Variants in FKBP5 observed in about 807,000 individuals in gnomAD.
FKBP5 encodes the protein FKBP prolyl isomerase 5.
In FKBP5, 23 loss-of-function variants were observed where a neutral mutation model predicts 50.5. The observed-to-expected ratio is 0.46, with a 90% CI of 0.33 to 0.65. The LOEUF (loss-of-function observed/expected upper bound fraction) is 0.65, where lower values mean the gene tolerates loss of function less well. FKBP5 is among the 30% of genes least tolerant of loss of function. The probability of loss-of-function intolerance (pLI) is 0.02; values close to 1 mark genes in which losing one functional copy is unlikely to be tolerated. For missense variants in FKBP5, 411 were observed against 553.1 expected (o/e 0.74, Z 2.58); for synonymous variants, 176 against 190.6 (o/e 0.92, Z 0.63).
chr6:35,621,560 G>A (rs1169577873), intron 3 of FKBP5, among the ~76,000 whole-genome samples: 1 of 151,010 alleles, frequency 6.6e-6, no homozygotes, highest in African/African-American at 2.4e-5. Context: ...GGAGGTTGCA[G>A]TGAGTAGAGA....
chr6:35,714,747 A>T (rs543174800), intron 2 of FKBP5, among the ~76,000 whole-genome samples: 2 of 147,372 alleles, frequency 1.4e-5, no homozygotes, highest in Non-Finnish European at 3.0e-5. Flanking sequence ...AACCTGGGAG[A>T]TGGAGGTTGC....
chr6:35,576,953 A>C (rs1762239627), intron 10 of FKBP5, 41 bp downstream of exon 10: 1 of 1,603,838 alleles, frequency 6.2e-7, no homozygotes, highest in East Asian at 2.2e-5. Context: ...GGGCATGGTC[A>C]GGCTCTTGAT....
intron 1 of FKBP5, among the ~76,000 whole-genome samples, chr6:35,652,525 T>C (rs1764833962): frequency 6.6e-6 from 1 of 152,196 alleles, no homozygotes; most frequent in African/African-American, 2.4e-5. Flanking sequence ...TGGTCGAGAT[T>C]GCAGAGGTGA....
chr6:35,590,533 G>A (rs542469125), intron 7 of FKBP5, among the ~76,000 whole-genome samples: 2 of 152,132 alleles, frequency 1.3e-5, no homozygotes, highest in Non-Finnish European at 2.9e-5. Context: ...AAGGAGGCAT[G>A]CTGTTTCTGG....
intron 1 of FKBP5, among the ~76,000 whole-genome samples, chr6:35,667,810 C>T (rs1042382673): frequency 4.6e-5 from 7 of 151,874 alleles, no homozygotes; most frequent in Admixed American, 4.6e-4. Flanking sequence ...ATTAAAGATA[C>T]AAAAATCAAC....
intron 2 of FKBP5, among the ~76,000 whole-genome samples, chr6:35,707,994 A>G (rs545385883): frequency 2.0e-5 from 3 of 152,198 alleles, no homozygotes; most frequent in African/African-American, 4.8e-5. Flanking sequence ...TCTGTAATAC[A>G]GTAGGTCGGT....
chr6:35,672,797 G>A (rs555876171), intron 1 of FKBP5, among the ~76,000 whole-genome samples: 1 of 151,986 alleles, frequency 6.6e-6, no homozygotes, highest in Non-Finnish European at 1.5e-5. Flanking sequence ...TGGCGTAGTG[G>A]CAGGCGCCTG....
At chr6:35,684,539 G>C (rs1012781225) in intron 1 of FKBP5, among the ~76,000 whole-genome samples, 1 of 152,088 alleles carries the variant, frequency 6.6e-6, no homozygotes, top group Non-Finnish European at 1.5e-5. Context: ...AAAAATGACA[G>C]CAACTCCAAA....
intron 1 of FKBP5, among the ~76,000 whole-genome samples, chr6:35,646,602 T>C (rs1764637752): frequency 6.6e-6 from 1 of 152,192 alleles, no homozygotes; most frequent in South Asian, 2.1e-4. Flanking sequence ...TCCTAAAAAC[T>C]GTAATGACAC....
At chr6:35,599,348 TA>T (rs1463687288) in intron 5 of FKBP5, among the ~76,000 whole-genome samples, 1 of 152,186 alleles carries the variant, frequency 6.6e-6, no homozygotes, top group African/African-American at 2.4e-5. Context: ...CTGCAGTTAA[TA>T]ATTTAATTGA....
At chr6:35,644,718 G>A (rs1764583190) in intron 1 of FKBP5, among the ~76,000 whole-genome samples, 1 of 152,186 alleles carries the variant, frequency 6.6e-6, no homozygotes, top group African/African-American at 2.4e-5. Context: ...AGAAGAACGG[G>A]ATTGGTTCCC....
At chr6:35,635,026 C>CAAAAAAAAAAAAAAAA (rs35794477) in intron 3 of FKBP5, among the ~76,000 whole-genome samples, 16 of 75,112 alleles carry the variant, frequency 2.1e-4, no homozygotes, top group African/African-American at 7.1e-4. Flanking sequence ...CCTGTCTCTA[C>CAAAAAAAAAAAAAAAA]AAAAAAAAAA....
intron 7 of FKBP5, among the ~76,000 whole-genome samples, chr6:35,588,696 G>GCTCAAGCAATCCTCCTGC (rs1290096431): frequency 6.6e-6 from 1 of 151,734 alleles, no homozygotes. Context: ...GATTTCCCAG[G>GCTCAAGCAATCCTCCTGC]CTCAAGCAAT....
Position 35,617,006 on chromosome 6 carries a change from T to C in FKBP5, c.508+2090A>G, listed in dbSNP as rs1763679973. Among the ~76,000 whole-genome samples, 6 of 151,656 alleles carry C rather than the reference T, an allele frequency of 4.0e-5. No homozygotes were observed. In the South Asian group the frequency reaches 1.2e-3, roughly 31 times the overall value. The stretch of plus-strand genomic sequence containing the variant: ...AGAGGTTCAAGCTTGCCTCACTGCA[T>C]AGGAAGGAAGCTAACGCCCAGAGGT... On this transcript the variant is annotated intron_variant, in intron 5 of 10. Transcript: ENST00000357266.
intron 1 of FKBP5, among the ~76,000 whole-genome samples, chr6:35,727,126 A>G (rs1766729948): frequency 6.6e-6 from 1 of 152,198 alleles, no homozygotes; most frequent in Admixed American, 6.5e-5. Flanking sequence ...GAGAAATGGC[A>G]CAGCAAACTG....
chr6:35,641,081 T>A (rs926482740), intron 2 of FKBP5, among the ~76,000 whole-genome samples: 3 of 152,318 alleles, frequency 2.0e-5, no homozygotes, highest in East Asian at 1.9e-4. Context: ...CAGGCTTACA[T>A]GATCCTCCTG....
chr6:35,687,619 T>A (rs746813457), intron 1 of FKBP5, among the ~76,000 whole-genome samples: 3 of 152,202 alleles, frequency 2.0e-5, no homozygotes, highest in Non-Finnish European at 2.9e-5. Context: ...AACACTCCTG[T>A]CTACACTCAG....
chr6:35,620,218 A>AT lies in FKBP5; in HGVS notation c.306dup (p.Cys103MetfsTer19). 6.2e-7 allele frequency: 1 copy of AT among 1,614,202 alleles called. No individual in the cohort carries two copies. The highest frequency in any genetic ancestry group is 8.5e-7 in the Non-Finnish European group (1 of 1,180,016). ...TATTCTGGTTTGCACAGTAAATGGC[A>AT]TATCTCTCCTTTCTTCATGGTAGCC... On this transcript the variant is annotated frameshift_variant, in exon 4 of 11. Transcript: ENST00000357266. LOFTEE classifies it high-confidence loss of function.
intron 8 of FKBP5, chr6:35,582,341 A>G (rs1326718091): frequency 1.4e-5 from 13 of 955,668 alleles, no homozygotes; most frequent in Non-Finnish European, 1.6e-5. Context: ...TCCTATGTTG[A>G]AGCCCTCACC....
Sources: gnomAD v4.1 joint callset for allele counts (sites outside exome capture counted in the v4.1 genomes callset) on GRCh38, gnomAD v4.1.1 for gene constraint, MANE v1.5 for transcripts, NCBI Gene and HGNC (gene_info 2026-07-23, HGNC 2026-07-21) for gene names.